Variants in MYH15 observed in about 807,000 individuals in gnomAD.
MYH15 encodes myosin-15.
MYH15 carries 227 observed loss-of-function variants against 240.5 expected under a neutral mutation model. That is an observed-to-expected ratio of 0.94 (90% CI 0.85 to 1.05). The LOEUF (loss-of-function observed/expected upper bound fraction) is 1.05. MYH15 is among the 50% of genes least tolerant of loss of function. The probability of loss-of-function intolerance (pLI) is 0.00; values close to 1 mark genes in which losing one functional copy is unlikely to be tolerated. For missense variants in MYH15, 2,217 were observed against 2,247.5 expected, an observed-to-expected ratio of 0.99 and a Z score of 0.27; for synonymous variants, 785 against 796.7, an observed-to-expected ratio of 0.99 and a Z score of 0.25.
At position 108,395,810 on chromosome 3, in the gene MYH15, C is replaced by A. The variant is rs572367004; in HGVS notation, c.5134-1654G>T. 3.0e-4 allele frequency among the ~76,000 whole-genome samples: 46 copies of A among 152,022 alleles called. No homozygotes were observed. In the South Asian group the frequency reaches 9.2e-3, roughly 30 times the overall value. Reference sequence around the variant, plus strand: ...ATGCAGGAGGTAGCTAAGAAGGCTCCCTAAAAGGTTCAGTATGTTTTGCTT... The same window carrying A: ...ATGCAGGAGGTAGCTAAGAAGGCTCACTAAAAGGTTCAGTATGTTTTGCTT... On this transcript the variant is annotated intron_variant, in intron 35 of 40. Coordinates refer to ENST00000693548, the MANE Select transcript of MYH15 (RefSeq NM_014981.3).
At chr3:108,483,801 C>G (rs2083285879) in intron 11 of MYH15, among the ~76,000 whole-genome samples, 1 of 152,222 alleles carries the variant, frequency 6.6e-6, no homozygotes, top group Admixed American at 6.5e-5. Flanking sequence ...CATGGATGAA[C>G]CTTGAAGACA....
chr3:108,428,892 AAAT>A lies in MYH15; in HGVS notation c.3313-14_3313-12del, dbSNP rs754984125. The A allele has an allele frequency of 4.7e-5, 75 of 1,582,936 alleles. No individual in the cohort carries two copies. Among genetic ancestry groups the A allele is most frequent in the Admixed American group, 1.7e-4 (9 of 51,870 alleles). On this transcript the variant is annotated splice_polypyrimidine_tract_variant and intron_variant, in intron 26 of 40. Transcript: ENST00000693548. Reference sequence around the variant, plus strand: ...ATCCTTTATTTGAGTCTGTAGCAAGAAATAATTTTGACTTTTACTAAGCACTTG... The same window carrying A: ...ATCCTTTATTTGAGTCTGTAGCAAGAAATTTTGACTTTTACTAAGCACTTG...
chr3:108,439,589 A>G, intron 24 of MYH15, 148 bp downstream of exon 24: 1 of 736,078 alleles, frequency 1.4e-6, no homozygotes. Flanking sequence ...GTGTATAAGA[A>G]AAAGAACCCT....
At chr3:108,463,475 T>TATA (rs2083088618) in intron 15 of MYH15, among the ~76,000 whole-genome samples, 1 of 151,936 alleles carries the variant, frequency 6.6e-6, no homozygotes, top group Non-Finnish European at 1.5e-5. Context: ...CCACCATGCC[T>TATA]GGCTAATTTT....
intron 39 of MYH15, 141 bp downstream of exon 39, chr3:108,384,546 G>A: frequency 1.4e-6 from 1 of 717,584 alleles, no homozygotes; most frequent in Non-Finnish European, 2.2e-6. Context: ...TCTAACTTGA[G>A]AAAAAAAACT....
At chr3:108,485,370 C>G in intron 10 of MYH15, 141 bp from the exon 11 acceptor site, 1 of 897,392 alleles carries the variant, frequency 1.1e-6, no homozygotes, top group South Asian at 1.8e-5. Context: ...GCAAATCAGC[C>G]CTGTTGGCAC....
At chr3:108,405,917 C>G (rs1218959605) in intron 32 of MYH15, among the ~76,000 whole-genome samples, 1 of 152,136 alleles carries the variant, frequency 6.6e-6, no homozygotes, top group African/African-American at 2.4e-5. Flanking sequence ...GAACAAACAA[C>G]AGGGTAGTGT....
intron 9 of MYH15, among the ~76,000 whole-genome samples, chr3:108,487,310 A>G (rs913304709): frequency 1.3e-4 from 20 of 152,180 alleles, no homozygotes; most frequent in African/African-American, 4.8e-4. Flanking sequence ...TTGAACTCCA[A>G]ATCTCAGAAA....
At chr3:108,524,659 C>G (rs1200134989) in intron 1 of MYH15, among the ~76,000 whole-genome samples, 1 of 151,824 alleles carries the variant, frequency 6.6e-6, no homozygotes. Flanking sequence ...GTATTAGTTG[C>G]CAAGGGTAAC....
chr3:108,533,394 G>T (rs963290080), upstream of MYH15, among the ~76,000 whole-genome samples: 1 of 151,874 alleles, frequency 6.6e-6, no homozygotes, highest in Non-Finnish European at 1.5e-5. Flanking sequence ...ATCCTTCTGA[G>T]TCTTAGATTT....
In MYH15 at chr3:108,398,961, G is replaced by T. The variant is rs1302393904; in HGVS notation, c.4929+114C>A. On this transcript the variant is annotated intron_variant, in intron 34 of 40. Transcript: ENST00000693548. ...TAAGCATGCTCCTTCTCTCTGGAAAGATTAGATTTGTTGTCCTCATCTTTA... is the reference window on the plus strand; with the variant it reads ...TAAGCATGCTCCTTCTCTCTGGAAATATTAGATTTGTTGTCCTCATCTTTA... The T allele has an allele frequency of 1.0e-5, 15 of 1,454,658 alleles. No homozygotes were observed. In the East Asian group the frequency reaches 3.2e-4, roughly 31 times the overall value. The allele number at this position is 1,454,658 out of a possible 1,614,324, so 90.1% of individuals were successfully genotyped here.
At chr3:108,416,759 TAA>T (rs56933265) in intron 29 of MYH15, 51 bp downstream of exon 29, 1,298,431 of 1,414,692 alleles carry the variant, frequency 0.92, 596,440 homozygotes, top group East Asian at 0.99. Context: ...CACTATTTTT[TAA>T]AAAAAAAAAC....
intron 9 of MYH15, among the ~76,000 whole-genome samples, chr3:108,486,861 A>T (rs1010306644): frequency 1.3e-5 from 2 of 152,238 alleles, no homozygotes; most frequent in Non-Finnish European, 2.9e-5. Flanking sequence ...CAAAACTCTG[A>T]AAACAGGAAT....
At chr3:108,473,443 A>G (rs903930060) in intron 12 of MYH15, among the ~76,000 whole-genome samples, 1 of 152,214 alleles carries the variant, frequency 6.6e-6, no homozygotes, top group East Asian at 1.9e-4. Context: ...GACGCTTAGT[A>G]TCCAATAAAT....
At position 108,479,429 on chromosome 3, in the gene MYH15, T is replaced by C. The variant is rs115274389; in HGVS notation, c.1115-2914A>G. On this transcript the variant is annotated intron_variant, in intron 11 of 40. Transcript: ENST00000693548. ...AAGCAGGTTAGGGGCTGGGCCGCTC[T>C]AGTTTTATCGTGTTACCCAGGTGAT... Among the ~76,000 whole-genome samples, 383 of 152,316 alleles carry C rather than the reference T, an allele frequency of 2.5e-3. 1 individual carries two copies. Among genetic ancestry groups the C allele is most frequent in the African/African-American group, 8.7e-3 (361 of 41,566 alleles).
At chr3:108,397,237 C>A (rs2082468626) in intron 35 of MYH15, among the ~76,000 whole-genome samples, 1 of 152,176 alleles carries the variant, frequency 6.6e-6, no homozygotes, top group South Asian at 2.1e-4. Flanking sequence ...GGTGACCTGG[C>A]CCCACCTATC....
chr3:108,500,349 A>G (rs2083426807), intron 3 of MYH15, 75 bp from the exon 4 acceptor site: 1 of 1,467,516 alleles, frequency 6.8e-7, no homozygotes, highest in East Asian at 2.3e-5. Flanking sequence ...TCCAGTGTCA[A>G]GTAATATTTG....
chr3:108,498,199 G>A (rs562784030), intron 5 of MYH15, 54 bp from the exon 6 acceptor site: 32 of 1,508,076 alleles, frequency 2.1e-5, no homozygotes, highest in African/African-American at 1.8e-4. Context: ...TCAATGCAAC[G>A]AAAGTTAGGT....
chr3:108,407,204 C>T (rs1022771150), intron 32 of MYH15, among the ~76,000 whole-genome samples: 14 of 152,204 alleles, frequency 9.2e-5, no homozygotes, highest in African/African-American at 2.7e-4. Context: ...GAAGTTTCTT[C>T]TGGAATCACA....
Sources: allele counts gnomAD v4.1 joint callset (sites outside exome capture counted in the v4.1 genomes callset), GRCh38; gene constraint gnomAD v4.1.1; transcripts MANE v1.5; gene names NCBI Gene and HGNC (gene_info 2026-07-23, HGNC 2026-07-21).